SRD5A1: variants seen among roughly 807,000 people sequenced by gnomAD.
SRD5A1 encodes the protein 3-oxo-5-alpha-steroid 4-dehydrogenase 1.
Under a neutral mutation model 28.2 loss-of-function variants are expected in SRD5A1, and 22 were observed. The ratio of observed to expected loss-of-function variants is 0.78; its 90% confidence interval spans 0.56 to 1.12. The LOEUF (loss-of-function observed/expected upper bound fraction) is 1.12, where lower values mean the gene tolerates loss of function less well. SRD5A1 is among the 50% of genes most tolerant of loss of function. The pLI, the probability that SRD5A1 is intolerant of heterozygous loss-of-function variation, is 0.00. For missense variants in SRD5A1, 300 were observed against 346.7 expected, an observed-to-expected ratio of 0.87 and a Z score of 1.07; for synonymous variants, 151 against 135.0, an observed-to-expected ratio of 1.12 and a Z score of -0.82.
At chr5:6,658,459 G>A (rs1738897337) in intron 3 of SRD5A1, among the ~76,000 whole-genome samples, 1 of 152,234 alleles carries the variant, frequency 6.6e-6, no homozygotes. Flanking sequence ...TCCCTGTGAT[G>A]TTTCCCCACA....
intron 1 of SRD5A1, 75 bp from the exon 2 acceptor site, chr5:6,651,767 A>C (rs897235604): frequency 2.3e-5 from 32 of 1,395,500 alleles, no homozygotes; most frequent in Non-Finnish European, 2.6e-5. Flanking sequence ...TAAAACCCAA[A>C]TCATTTAAGA....
rs1738828483 is a variant in SRD5A1 at position 6,656,175 on chromosome 5, A to G, written c.558A>G (p.Pro186=). The G allele has an allele frequency of 6.2e-7, 1 of 1,611,716 alleles. No homozygotes were observed. Among genetic ancestry groups the G allele is most frequent in the East Asian group, 2.2e-5 (1 of 44,864 alleles). The change falls in exon 3 of 5, where the codon CCA becomes CCG. Residue 186 remains proline (P), a synonymous_variant. Coordinates refer to ENST00000274192, the MANE Select transcript of SRD5A1 (RefSeq NM_001047.4). ...RKPGDTGYKI[P]RGGLFEYVTA... is the part of the protein sequence containing the mutation. ...CAGGAGATACTGGATACAAAATACC[A>G]AGGGGTACGTACAGAAAGTGAAGAA...
chr5:6,644,817 G>T, intron 1 of SRD5A1: 1 of 450,870 alleles, frequency 2.2e-6, no homozygotes, highest in Non-Finnish European at 4.5e-6. Flanking sequence ...GGAAATGTTG[G>T]TATGCAAGCA....
chr5:6,666,440 G>A (rs966688225), intron 4 of SRD5A1, among the ~76,000 whole-genome samples: 4 of 152,126 alleles, frequency 2.6e-5, no homozygotes, highest in Non-Finnish European at 2.9e-5. Flanking sequence ...CAGCCACCGC[G>A]CCTGACTGGA....
chr5:6,672,093 G>C lies in SRD5A1; in HGVS notation c.*3825G>C, dbSNP rs898329163. The C allele has an allele frequency of 5.9e-5, 9 of 152,250 alleles. No individual in the cohort carries two copies. Among genetic ancestry groups the C allele is most frequent in the African/African-American group, 2.2e-4 (9 of 41,448 alleles). The allele number at this position is 152,250 out of a possible 1,614,324, so 9.4% of individuals were successfully genotyped here. ...CTGACCACTGCAGGCTCCCATTTAT[G>C]ATCTTGGGCCAACAGCCACCAGCCT... On this transcript the variant is annotated 3_prime_UTR_variant, in exon 5 of 5. Coordinates refer to ENST00000274192, the MANE Select transcript of SRD5A1 (RefSeq NM_001047.4).
At chr5:6,659,668 G>A (rs1440181168) in intron 3 of SRD5A1, among the ~76,000 whole-genome samples, 2 of 152,254 alleles carry the variant, frequency 1.3e-5, no homozygotes, top group Non-Finnish European at 2.9e-5. Context: ...CGTGCCATGA[G>A]TGGCTTGTAA....
intron 4 of SRD5A1, among the ~76,000 whole-genome samples, chr5:6,665,292 A>C (rs1251616384): frequency 6.6e-6 from 1 of 152,240 alleles, no homozygotes; most frequent in Non-Finnish European, 1.5e-5. Flanking sequence ...AACTCCTGGC[A>C]TCCAGAACTG....
chr5:6,634,605 T>C (rs958216310), intron 1 of SRD5A1, among the ~76,000 whole-genome samples: 2 of 152,216 alleles, frequency 1.3e-5, no homozygotes, highest in Non-Finnish European at 2.9e-5. Flanking sequence ...AGTTTCTCCT[T>C]ATAGGCTTGA....
At chr5:6,650,703 AC>A (rs1181581102) in intron 1 of SRD5A1, among the ~76,000 whole-genome samples, 1 of 151,450 alleles carries the variant, frequency 6.6e-6, no homozygotes, top group African/African-American at 2.4e-5. Context: ...CAGGTTAGTT[AC>A]ATATGTATAC....
At chr5:6,657,481 A>T (rs1738867896) in intron 3 of SRD5A1, among the ~76,000 whole-genome samples, 1 of 152,226 alleles carries the variant, frequency 6.6e-6, no homozygotes. Context: ...CTTCCTGCCC[A>T]GCACCCTTGC....
At chr5:6,633,939 G>GC in intron 1 of SRD5A1, 70 bp downstream of exon 1, 1 of 1,524,336 alleles carries the variant, frequency 6.6e-7, no homozygotes, top group Non-Finnish European at 8.9e-7. Context: ...TCCCCTCACT[G>GC]CCCGGTGCCC....
rs192403393 is a variant in SRD5A1, at chr5:6,657,102, C to T, written c.562+923C>T. On this transcript the variant is annotated intron_variant, in intron 3 of 4. Transcript: ENST00000274192. ...ATCTAAAACTTTAATGGAGAAAGGG[C>T]GTGACATCACTTAGTTTGAAATTCT... 5.9e-5 allele frequency among the ~76,000 whole-genome samples: 9 copies of T among 152,250 alleles called. No individual in the cohort carries two copies. In the East Asian group the frequency reaches 1.7e-3, roughly 29 times the overall value.
chr5:6,645,562 C>T (rs1738484910), intron 1 of SRD5A1, among the ~76,000 whole-genome samples: 1 of 151,992 alleles, frequency 6.6e-6, no homozygotes, highest in African/African-American at 2.4e-5. Context: ...TCGCTTCAAC[C>T]CGGGAGGCGG....
intron 2 of SRD5A1, among the ~76,000 whole-genome samples, chr5:6,654,578 T>C (rs1738782840): frequency 6.6e-6 from 1 of 152,090 alleles, no homozygotes; most frequent in South Asian, 2.1e-4. Flanking sequence ...GATTACAGGC[T>C]TGCGCCATCT....
intron 1 of SRD5A1, chr5:6,645,109 T>C (rs998521241): frequency 7.3e-6 from 3 of 409,666 alleles, no homozygotes; most frequent in Non-Finnish European, 1.5e-5. Context: ...TTTTGACTCA[T>C]GTGAATGTCT....
At chr5:6,637,212 C>T (rs1738210956) in intron 1 of SRD5A1, among the ~76,000 whole-genome samples, 1 of 152,056 alleles carries the variant, frequency 6.6e-6, no homozygotes, top group Admixed American at 6.5e-5. Context: ...GCAGGCCTCC[C>T]TAGGGCCTTC....
At chr5:6,649,121 A>C (rs2126535424) in intron 1 of SRD5A1, among the ~76,000 whole-genome samples, 1 of 152,290 alleles carries the variant, frequency 6.6e-6, no homozygotes, top group Non-Finnish European at 1.5e-5. Context: ...GGCACCCGCC[A>C]GATGCCAGCC....
At position 6,668,191 on chromosome 5, in the gene SRD5A1, T is replaced by A. The variant is rs934791383; in HGVS notation, c.714-11T>A. 11 of 1,522,178 alleles carry A rather than the reference T, an allele frequency of 7.2e-6. No homozygotes were observed. Among genetic ancestry groups the A allele is most frequent in the Admixed American group, 4.1e-5 (2 of 48,276 alleles). 94.3% of individuals were successfully genotyped at this position (1,522,178 alleles called of 1,614,324 possible). On this transcript the variant is annotated splice_polypyrimidine_tract_variant and intron_variant, in intron 4 of 4. Transcript: ENST00000274192. ...ACAGAATTATTTCCTTTTTTAATTT[T>A]TTTTTCTTAGGTGGTACCTCCGGAA...
In SRD5A1 at chr5:6,670,637, G is replaced by A. The variant is rs978597516; in HGVS notation, c.*2369G>A. 4 of 152,200 alleles carry A rather than the reference G, an allele frequency of 2.6e-5. No individual in the cohort carries two copies. Among genetic ancestry groups the A allele is most frequent in the African/African-American group, 9.7e-5 (4 of 41,430 alleles). The allele number at this position is 152,200 out of a possible 1,614,324, so 9.4% of individuals were successfully genotyped here. A position where few individuals can be genotyped will look rare whatever the true frequency, so the allele number is the denominator to read the frequency against. On this transcript the variant is annotated 3_prime_UTR_variant, in exon 5 of 5. Transcript: ENST00000274192. ...CGGATGGGTAGAAAAAACAGTCCTG[G>A]CCCAGGTGGAGTGACAGGTAAGAAA... is the stretch of plus-strand genomic sequence containing the variant.
Sources: gnomAD v4.1 joint callset for allele counts (sites outside exome capture counted in the v4.1 genomes callset) on GRCh38, gnomAD v4.1.1 for gene constraint, MANE v1.5 for transcripts, NCBI Gene and HGNC (gene_info 2026-07-23, HGNC 2026-07-21) for gene names.